The following GRM1 variants were observed in gnomAD, a reference collection of about 807,000 sequenced individuals.
GRM1 encodes the protein metabotropic glutamate receptor 1.
GRM1 carries 33 observed loss-of-function variants against 90.9 expected under a neutral mutation model. The observed-to-expected ratio is 0.36, with a 90% CI of 0.28 to 0.49. The LOEUF (loss-of-function observed/expected upper bound fraction) is 0.49. Ranked by LOEUF, GRM1 falls within the 20% of genes least tolerant of loss-of-function variation. GRM1 has a pLI of 0.99. For missense variants in GRM1, 1,190 were observed against 1,534.3 expected, an observed-to-expected ratio of 0.78 and a Z score of 3.75; for synonymous variants, 700 against 613.2, an observed-to-expected ratio of 1.14 and a Z score of -2.09.
Position 146,434,250 on chromosome 6 carries a change from GC to G in GRM1, c.3044del (p.Pro1015LeufsTer16), listed in dbSNP as rs1288762112. The G allele has an allele frequency of 1.9e-6, 3 of 1,601,272 alleles. No individual in the cohort carries two copies. Among genetic ancestry groups the G allele is most frequent in the Non-Finnish European group, 2.6e-6 (3 of 1,171,914 alleles). The part of the protein sequence containing the change: ...LAEPALPKGL[P>X]PPLQQQQQPP... ...CCGAACCAGCCCTCCCCAAGGGCTT[GC>G]CCCCTCCTCTCCAGCAGCAGCAGCA... is the stretch of plus-strand genomic sequence containing the variant. On this transcript the variant is annotated frameshift_variant, in exon 8 of 8. Coordinates refer to ENST00000282753, the MANE Select transcript of GRM1 (RefSeq NM_001278064.2). LOFTEE classifies it high-confidence loss of function.
At chr6:146,136,029 A>C (rs1232930332) in intron 1 of GRM1, among the ~76,000 whole-genome samples, 2 of 152,184 alleles carry the variant, frequency 1.3e-5, no homozygotes, top group Non-Finnish European at 2.9e-5. Flanking sequence ...GACAACATGC[A>C]AAACTTGTCT....
chr6:146,352,459 G>A lies in GRM1; in HGVS notation c.1396G>A (p.Glu466Lys). 1 of 1,613,902 alleles carries A rather than the reference G, an allele frequency of 6.2e-7. No individual in the cohort carries two copies. Among genetic ancestry groups the A allele is most frequent in the Non-Finnish European group, 8.5e-7 (1 of 1,179,808 alleles). The change falls in exon 4 of 8, where the codon GAG becomes AAG. Residue 466 changes from glutamate (E) to lysine (K), a missense_variant. Around this residue, in one of 10 missense-constraint regions of GRM1, gnomAD observed 414 missense variants for 598.4 expected, o/e 0.69. Transcript: ENST00000282753. ...KSSFIGVSGE[E>K]VWFDEKGDAP... Reference sequence around the variant, plus strand: ...CTCATTCATTGGAGTATCTGGAGAGGAGGTGTGGTTTGATGAGAAAGGAGA... The same window carrying A: ...CTCATTCATTGGAGTATCTGGAGAGAAGGTGTGGTTTGATGAGAAAGGAGA...
At chr6:146,416,016 T>G (rs928921953) in intron 7 of GRM1, among the ~76,000 whole-genome samples, 1 of 152,216 alleles carries the variant, frequency 6.6e-6, no homozygotes, top group Non-Finnish European at 1.5e-5. Flanking sequence ...CTAGCTTTTA[T>G]TTTTGTTTGG....
intron 7 of GRM1, among the ~76,000 whole-genome samples, chr6:146,422,500 CTGGAATAGCATTT>C (rs948994149): frequency 6.6e-6 from 1 of 152,132 alleles, no homozygotes; most frequent in African/African-American, 2.4e-5. Flanking sequence ...ATGGATTAGG[CTGGAATAGCATTT>C]TGCTATTTGA....
chr6:146,034,848 C>A (rs931270336), intron 1 of GRM1, among the ~76,000 whole-genome samples: 1 of 151,884 alleles, frequency 6.6e-6, no homozygotes. Context: ...CAACAGATGA[C>A]TTTAAGTAAA....
At chr6:146,252,604 C>T (rs1021005198) in intron 2 of GRM1, among the ~76,000 whole-genome samples, 6 of 151,856 alleles carry the variant, frequency 4.0e-5, no homozygotes, top group Non-Finnish European at 7.4e-5. Context: ...ACAGAGCAAA[C>T]CTCCAACTCA....
At chr6:146,142,773 A>T (rs1776933453) in intron 1 of GRM1, among the ~76,000 whole-genome samples, 1 of 152,156 alleles carries the variant, frequency 6.6e-6, no homozygotes, top group Non-Finnish European at 1.5e-5. Context: ...CAGGCCTGAG[A>T]CTTACCCTTT....
chr6:146,412,611 CTTA>C (rs1475145452), intron 7 of GRM1, among the ~76,000 whole-genome samples: 2 of 152,126 alleles, frequency 1.3e-5, no homozygotes, highest in Non-Finnish European at 2.9e-5. Context: ...CAAAGCCTAC[CTTA>C]TTATACCTGT....
intron 1 of GRM1, among the ~76,000 whole-genome samples, chr6:146,071,135 AG>A (rs1308110788): frequency 6.6e-6 from 1 of 152,130 alleles, no homozygotes; most frequent in Non-Finnish European, 1.5e-5. Context: ...TTACATTGAC[AG>A]GAATTTCTTG....
intron 2 of GRM1, among the ~76,000 whole-genome samples, chr6:146,283,736 G>A (rs1782663097): frequency 6.6e-6 from 1 of 152,138 alleles, no homozygotes; most frequent in African/African-American, 2.4e-5. Context: ...GATCAGGAAA[G>A]TAAGGAGTAG....
At chr6:146,322,149 C>A (rs1200396809) in intron 3 of GRM1, among the ~76,000 whole-genome samples, 2 of 152,186 alleles carry the variant, frequency 1.3e-5, no homozygotes, top group Non-Finnish European at 2.9e-5. Flanking sequence ...TTCTAACAGT[C>A]AGGCCCCTCT....
At chr6:146,052,828 T>C (rs1775342381) in intron 1 of GRM1, among the ~76,000 whole-genome samples, 3 of 152,200 alleles carry the variant, frequency 2.0e-5, no homozygotes, top group South Asian at 4.1e-4. Flanking sequence ...TTTCCTACTA[T>C]TGGAAATTAT....
intron 1 of GRM1, among the ~76,000 whole-genome samples, chr6:146,061,691 A>G (rs1339869112): frequency 6.6e-6 from 1 of 151,908 alleles, no homozygotes; most frequent in African/African-American, 2.4e-5. Context: ...AAAGACATTT[A>G]TGCAGCCAAC....
chr6:146,027,807 C>T (rs1224697047), upstream of GRM1: 3 of 152,246 alleles, frequency 2.0e-5, no homozygotes, highest in Non-Finnish European at 4.4e-5. Context: ...GTCTCAAGTC[C>T]ATGTCCTCCA....
intron 5 of GRM1, among the ~76,000 whole-genome samples, chr6:146,358,116 AC>A (rs367593741): frequency 6.6e-6 from 1 of 152,362 alleles, no homozygotes; most frequent in African/African-American, 2.4e-5. Context: ...AAATAGGGTA[AC>A]ACAGACTGCT....
intron 5 of GRM1, chr6:146,365,133 T>A (rs1323172720): frequency 6.6e-6 from 1 of 152,090 alleles, no homozygotes; most frequent in Non-Finnish European, 1.5e-5. Flanking sequence ...ACTTGAGAAG[T>A]CTATAATTAT....
At chr6:146,095,409 G>C (rs1383915133) in intron 1 of GRM1, among the ~76,000 whole-genome samples, 1 of 152,088 alleles carries the variant, frequency 6.6e-6, no homozygotes, top group Non-Finnish European at 1.5e-5. Flanking sequence ...GGAATGGCAG[G>C]GTTTTAGAAG....
At chr6:146,282,686 T>C (rs1782615741) in intron 2 of GRM1, among the ~76,000 whole-genome samples, 1 of 152,130 alleles carries the variant, frequency 6.6e-6, no homozygotes, top group East Asian at 1.9e-4. Flanking sequence ...TTCTCCCTTA[T>C]TAAGAAAAAT....
intron 1 of GRM1, among the ~76,000 whole-genome samples, chr6:146,065,009 T>G (rs985810112): frequency 6.6e-6 from 1 of 152,076 alleles, no homozygotes; most frequent in South Asian, 2.1e-4. Flanking sequence ...AAGCCTTGAA[T>G]TTTTATATTG....
Sources: gnomAD v4.1 joint callset for allele counts (sites outside exome capture counted in the v4.1 genomes callset) on GRCh38, gnomAD v4.1.1 for gene constraint, gnomAD v4.1.1 regional missense constraint, MANE v1.5 for transcripts, NCBI Gene and HGNC (gene_info 2026-07-23, HGNC 2026-07-21) for gene names.